FGD4: variants seen among roughly 807,000 people sequenced by gnomAD.
FGD4 encodes FYVE, RhoGEF and PH domain-containing protein 4.
FGD4 carries 42 observed loss-of-function variants against 102.0 expected under a neutral mutation model. The ratio of observed to expected loss-of-function variants is 0.41; its 90% CI spans 0.32 to 0.53. The LOEUF is 0.53. Among genes scored for constraint, FGD4 ranks in the 20% least tolerant of loss-of-function variants. FGD4 has a pLI of 0.21. For missense variants in FGD4, 902 were observed against 1,078.2 expected (o/e 0.84, Z 2.29); for synonymous variants, 380 against 375.7 (o/e 1.01, Z -0.13).
intron 1 of FGD4, among the ~76,000 whole-genome samples, chr12:32,493,227 GT>G (rs1186047189): frequency 2.0e-5 from 3 of 152,188 alleles, no homozygotes; most frequent in African/African-American, 7.2e-5. Context: ...TTTTTGTTTT[GT>G]TTTCTTTTCC....
chr12:32,615,602 G>C (rs1048177025), intron 10 of FGD4, among the ~76,000 whole-genome samples: 2 of 151,990 alleles, frequency 1.3e-5, no homozygotes, highest in African/African-American at 2.4e-5. Context: ...TTCTTCAGAG[G>C]TCTATTATAA....
At chr12:32,612,293 G>A (rs988251831) in intron 10 of FGD4, among the ~76,000 whole-genome samples, 1 of 152,212 alleles carries the variant, frequency 6.6e-6, no homozygotes, top group East Asian at 1.9e-4. Flanking sequence ...CTGGCTGTGC[G>A]CGTGACCCGG....
At chr12:32,407,735 A>T (rs1391531068) in intron 1 of FGD4, among the ~76,000 whole-genome samples, 1 of 152,136 alleles carries the variant, frequency 6.6e-6, no homozygotes, top group South Asian at 2.1e-4. Context: ...GTAGACCTGA[A>T]TTTGTGCCGA....
chr12:32,582,429 C>G lies in FGD4; in HGVS notation c.973C>G (p.Leu325Val). Residue 325 changes from leucine (L) to valine (V), a missense_variant, in exon 4 of 17, where the codon CTG becomes GTG. Leu to Val is a conservative substitution (Grantham distance 32). Around this residue, in one of 2 missense-constraint regions of FGD4, gnomAD observed 443 missense variants for 459.2 expected, o/e 0.96. Coordinates refer to ENST00000534526, the MANE Select transcript of FGD4 (RefSeq NM_001370298.3). ...AGAGAGGGAAAATGGGGAAAGCCCT[C>G]TGGAACTGGAGCAGCTGGACCAGCA... The part of the protein sequence containing the change: ...VQERENGESP[L>V]ELEQLDQHHE... 6.2e-7 allele frequency: 1 copy of G among 1,612,922 alleles called. No individual in the cohort carries two copies. The highest frequency in any genetic ancestry group is 8.5e-7 in the Non-Finnish European group (1 of 1,180,030).
Position 32,646,030 on chromosome 12 carries a change from A to C in FGD4, c.*5497A>C, listed in dbSNP as rs1376449634. On this transcript the variant is annotated 3_prime_UTR_variant, in exon 17 of 17. Transcript: ENST00000534526. ...AATATTAAACATTTGTATCTTGTAA[A>C]TAAACACATCCTTAAATTAATTCCA... The C allele has an allele frequency of 1.3e-5, 2 of 152,172 alleles. No homozygotes were observed. The highest frequency in any genetic ancestry group is 2.9e-5 in the Non-Finnish European group (2 of 68,042). The allele number at this position is 152,172 out of a possible 1,614,324, so 9.4% of individuals were successfully genotyped here. A position where few individuals can be genotyped will look rare whatever the true frequency, so the allele number is the denominator to read the frequency against.
At chr12:32,537,038 A>G (rs1942338482) in intron 1 of FGD4, among the ~76,000 whole-genome samples, 1 of 151,456 alleles carries the variant, frequency 6.6e-6, no homozygotes, top group Non-Finnish European at 1.5e-5. Context: ...CCTCCCGAGT[A>G]GCTGGGACTA....
At chr12:32,636,742 A>T (rs960074019) in intron 15 of FGD4, among the ~76,000 whole-genome samples, 5 of 152,182 alleles carry the variant, frequency 3.3e-5, no homozygotes, top group Admixed American at 1.3e-4. Context: ...CAACATGAAT[A>T]ACACTGAGTA....
intron 16 of FGD4, 117 bp from the exon 17 acceptor site, chr12:32,640,159 A>G: frequency 6.7e-7 from 1 of 1,498,746 alleles, no homozygotes; most frequent in East Asian, 2.3e-5. Flanking sequence ...CCCATGGAGA[A>G]CTCACCGTTT....
chr12:32,473,391 G>A (rs558191594), intron 1 of FGD4, among the ~76,000 whole-genome samples: 28 of 152,118 alleles, frequency 1.8e-4, no homozygotes, highest in African/African-American at 6.8e-4. Flanking sequence ...CCTGAGTCCA[G>A]CGAGCCCAGG....
At chr12:32,576,175 T>A (rs1334642336) in intron 2 of FGD4, 91 bp from the exon 3 acceptor site, 1 of 1,283,060 alleles carries the variant, frequency 7.8e-7, no homozygotes, top group Admixed American at 2.2e-5. Context: ...AATTTTATAA[T>A]GCTGAATATT....
At chr12:32,465,398 G>A (rs113470704) in intron 1 of FGD4, among the ~76,000 whole-genome samples, 20 of 151,970 alleles carry the variant, frequency 1.3e-4, no homozygotes, top group Admixed American at 3.9e-4. Flanking sequence ...GGCTGGGTGC[G>A]GTGGCTCACA....
At chr12:32,617,122 A>C (rs945544398) in intron 10 of FGD4, among the ~76,000 whole-genome samples, 1 of 152,164 alleles carries the variant, frequency 6.6e-6, no homozygotes, top group Non-Finnish European at 1.5e-5. Flanking sequence ...CCATCTCCCA[A>C]CACTTCTGCA....
At chr12:32,509,475 G>A (rs1432998124) in intron 1 of FGD4, among the ~76,000 whole-genome samples, 1 of 152,036 alleles carries the variant, frequency 6.6e-6, no homozygotes, top group Non-Finnish European at 1.5e-5. Context: ...AAAAAATTCT[G>A]TACAACTAGC....
chr12:32,502,670 C>A (rs989096041), intron 1 of FGD4, among the ~76,000 whole-genome samples: 7 of 152,134 alleles, frequency 4.6e-5, no homozygotes, highest in African/African-American at 1.4e-4. Flanking sequence ...TGGCCCCAAA[C>A]GTGTTCAATG....
At chr12:32,563,118 C>A in intron 1 of FGD4, among the ~76,000 whole-genome samples, 1 of 147,246 alleles carries the variant, frequency 6.8e-6, no homozygotes, top group Middle Eastern at 3.6e-3. Flanking sequence ...CCCTCCCGGA[C>A]GGGACGGCTG....
chr12:32,630,634 G>A (rs1327676456), intron 14 of FGD4, among the ~76,000 whole-genome samples: 3 of 152,020 alleles, frequency 2.0e-5, no homozygotes, highest in African/African-American at 7.2e-5. Flanking sequence ...ACATGCACAT[G>A]GTGAAACCCC....
At chr12:32,485,901 C>T in intron 1 of FGD4, 1 of 1,250,842 alleles carries the variant, frequency 8.0e-7, no homozygotes, top group Non-Finnish European at 1.0e-6. Flanking sequence ...AAATGCGTTG[C>T]TTGCGTAGTT....
At chr12:32,590,375 C>T (rs1027605848) in intron 4 of FGD4, among the ~76,000 whole-genome samples, 2 of 150,960 alleles carry the variant, frequency 1.3e-5, no homozygotes, top group African/African-American at 4.9e-5. Context: ...TTCTCTCTCT[C>T]TCTCTCTTTT....
At chr12:32,622,423 T>TC (rs1949899268) in intron 11 of FGD4, among the ~76,000 whole-genome samples, 1 of 152,212 alleles carries the variant, frequency 6.6e-6, no homozygotes, top group Non-Finnish European at 1.5e-5. Context: ...GTACAGGCAA[T>TC]CATCACTTTA....
Sources: allele counts gnomAD v4.1 joint callset (sites outside exome capture counted in the v4.1 genomes callset), GRCh38; gene constraint gnomAD v4.1.1; regional missense constraint gnomAD v4.1.1; transcripts MANE v1.5; gene names NCBI Gene and HGNC (gene_info 2026-07-23, HGNC 2026-07-21).